BDKRB2: variants seen among roughly 807,000 people sequenced by gnomAD.
BDKRB2 encodes the protein B2 bradykinin receptor.
A neutral mutation model predicts 4.0 loss-of-function variants in BDKRB2; 6 were observed. The ratio of observed to expected loss-of-function variants is 1.49; its 90% CI spans 0.81 to 2.93. The LOEUF is 2.93. Ranked by LOEUF, BDKRB2 falls within the 30% of genes most tolerant of loss-of-function variation. The pLI is 0.00. For missense variants in BDKRB2, 478 were observed against 520.1 expected, an observed-to-expected ratio of 0.92 and a Z score of 0.79; for synonymous variants, 225 against 215.3, an observed-to-expected ratio of 1.05 and a Z score of -0.40.
At chr14:96,209,728 G>A (rs1047610912) in intron 1 of BDKRB2, among the ~76,000 whole-genome samples, 2 of 152,186 alleles carry the variant, frequency 1.3e-5, no homozygotes, top group Admixed American at 6.5e-5. Flanking sequence ...GGGCACGGTA[G>A]CTCACAACTG....
intron 1 of BDKRB2, among the ~76,000 whole-genome samples, chr14:96,234,582 T>C (rs2139793284): frequency 6.6e-6 from 1 of 152,336 alleles, no homozygotes; most frequent in Non-Finnish European, 1.5e-5. Context: ...AGGGCACGCC[T>C]CTAGAGCAGA....
intron 2 of BDKRB2, chr14:96,239,640 G>A (rs1566696379): frequency 1.0e-5 from 10 of 964,462 alleles, no homozygotes. Flanking sequence ...TTTGCACATT[G>A]TCTCTGATCC....
At chr14:96,233,214 T>A (rs1162699003) in intron 1 of BDKRB2, among the ~76,000 whole-genome samples, 1 of 152,130 alleles carries the variant, frequency 6.6e-6, no homozygotes, top group Non-Finnish European at 1.5e-5. Context: ...TTGGTACTTT[T>A]TGTAGACACA....
At position 96,241,653 on chromosome 14, in the gene BDKRB2, G is replaced by C; in HGVS notation, c.*149G>C. The C allele has an allele frequency of 7.4e-7, 1 of 1,342,682 alleles. No individual in the cohort carries two copies. Among genetic ancestry groups the C allele is most frequent in the Non-Finnish European group, 9.7e-7 (1 of 1,032,436 alleles). The allele number at this position is 1,342,682 out of a possible 1,614,324, so 83.2% of individuals were successfully genotyped here. A position where few individuals can be genotyped will look rare whatever the true frequency, so the allele number is the denominator to read the frequency against. ...GGTAAAACACCGGAGACTAATTCCT[G>C]CCCTGCCCAATTTTGCAGGGAGCAT... On this transcript the variant is annotated 3_prime_UTR_variant, in exon 3 of 3. Transcript: ENST00000554311.
rs200660157 is a variant in BDKRB2, at chr14:96,237,100, G to T, written c.-8G>T. The T allele has an allele frequency of 1.9e-6, 3 of 1,612,696 alleles. No individual in the cohort carries two copies. Among genetic ancestry groups the T allele is most frequent in the Non-Finnish European group, 2.5e-6 (3 of 1,178,684 alleles). On this transcript the variant is annotated 5_prime_UTR_variant, in exon 2 of 3. It removes the in-frame stop codon of an upstream open reading frame in the 5' UTR. Transcript: ENST00000554311. Reference sequence around the variant, plus strand: ...TGTGGCCTCACTCACATCCCACTCTGAGTCCAAATGTTCTCTCCCTGGAAG... The same window carrying T: ...TGTGGCCTCACTCACATCCCACTCTTAGTCCAAATGTTCTCTCCCTGGAAG...
At chr14:96,236,739 C>T (rs1023542756) in intron 1 of BDKRB2, among the ~76,000 whole-genome samples, 1 of 152,232 alleles carries the variant, frequency 6.6e-6, no homozygotes, top group Non-Finnish European at 1.5e-5. Context: ...TTTAGTTCTG[C>T]TCACCCTCAG....
intron 2 of BDKRB2, chr14:96,238,146 T>C: frequency 1.0e-6 from 1 of 954,392 alleles, no homozygotes; most frequent in South Asian, 4.7e-5. Context: ...TCTGGGGCCT[T>C]GGTTGGAAGA....
At chr14:96,217,280 G>C (rs1246679706) in intron 1 of BDKRB2, among the ~76,000 whole-genome samples, 1 of 152,260 alleles carries the variant, frequency 6.6e-6, no homozygotes, top group Non-Finnish European at 1.5e-5. Flanking sequence ...ACTGCAGTAT[G>C]TATTCAGAGG....
intron 1 of BDKRB2, among the ~76,000 whole-genome samples, chr14:96,206,274 C>T (rs751458705): frequency 3.3e-5 from 5 of 152,254 alleles, no homozygotes; most frequent in African/African-American, 4.8e-5. Context: ...AGGAAGCATG[C>T]GTGCTGTCCC....
chr14:96,231,711 G>A (rs1349647375), intron 1 of BDKRB2, among the ~76,000 whole-genome samples: 1 of 152,212 alleles, frequency 6.6e-6, no homozygotes, highest in Non-Finnish European at 1.5e-5. Flanking sequence ...TATTTACAGA[G>A]CGAATATTGT....
At chr14:96,227,949 C>A (rs1890737392) in intron 1 of BDKRB2, among the ~76,000 whole-genome samples, 1 of 152,250 alleles carries the variant, frequency 6.6e-6, no homozygotes, top group Non-Finnish European at 1.5e-5. Flanking sequence ...CAGCCCCCGA[C>A]TCCTGTGGCC....
chr14:96,218,589 G>A (rs1006711654), intron 1 of BDKRB2, among the ~76,000 whole-genome samples: 13 of 152,162 alleles, frequency 8.5e-5, no homozygotes, highest in Non-Finnish European at 1.5e-4. Context: ...GACTCGCTGA[G>A]GCTGGGTTTC....
At chr14:96,213,486 A>G (rs1020528118) in intron 1 of BDKRB2, among the ~76,000 whole-genome samples, 4 of 121,686 alleles carry the variant, frequency 3.3e-5, no homozygotes, top group Admixed American at 2.7e-4. Flanking sequence ...CTCTGTCTGG[A>G]CCGACCCAAA....
rs371946597 is a variant in BDKRB2 at position 96,237,215 on chromosome 14, G to A, written c.74+34G>A. On this transcript the variant is annotated intron_variant, in intron 2 of 2. Transcript: ENST00000554311. ...AAGGGATTCCTCAGTTCACTAGTTA[G>A]GGGAGGTGGGCAGACACCCTGGAGA... 113 of 1,579,566 alleles carry A rather than the reference G, an allele frequency of 7.2e-5. No individual in the cohort carries two copies. The African/African-American group carries it at 1.4e-3, about 20-fold the overall frequency.
chr14:96,218,959 T>C (rs1890490696), intron 1 of BDKRB2, among the ~76,000 whole-genome samples: 1 of 150,894 alleles, frequency 6.6e-6, no homozygotes, highest in African/African-American at 2.4e-5. Flanking sequence ...TAAAAACCCA[T>C]CTAGAGTGTT....
At chr14:96,218,965 G>C (rs1428693227) in intron 1 of BDKRB2, among the ~76,000 whole-genome samples, 2 of 151,682 alleles carry the variant, frequency 1.3e-5, no homozygotes, top group Admixed American at 1.3e-4. Flanking sequence ...CCCATCTAGA[G>C]TGTTGTGGGG....
rs199508762 is a variant in BDKRB2, at chr14:96,243,340, C to A, written c.*1836C>A. Reference sequence around the variant, plus strand: ...GGGCTAGAACCTAGAAGGGCTAGAACCTGGAGGGCTGGAATCTGGAGAGCT... The same window carrying A: ...GGGCTAGAACCTAGAAGGGCTAGAAACTGGAGGGCTGGAATCTGGAGAGCT... On this transcript the variant is annotated 3_prime_UTR_variant, in exon 3 of 3. Transcript: ENST00000554311. 14 of 145,018 alleles carry A rather than the reference C, an allele frequency of 9.7e-5. No homozygotes were observed. Among genetic ancestry groups the A allele is most frequent in the African/African-American group, 3.4e-4 (13 of 38,186 alleles). 9.0% of individuals were successfully genotyped at this position (145,018 alleles called of 1,614,324 possible). A position where few individuals can be genotyped will look rare whatever the true frequency, so the allele number is the denominator to read the frequency against.
intron 1 of BDKRB2, among the ~76,000 whole-genome samples, chr14:96,219,267 A>G (rs1246663153): frequency 2.0e-5 from 3 of 152,100 alleles, no homozygotes; most frequent in Non-Finnish European, 4.4e-5. Flanking sequence ...GCGCCATTGC[A>G]CTCCAGCCTA....
Position 96,242,773 on chromosome 14 carries a change from G to C in BDKRB2, c.*1269G>C, listed in dbSNP as rs1283950263. ...CCACCAGCCGGTACCTGGGAAGGGG[G>C]AGAGTGCAGGCCTGCTCAGGGACTG... is the stretch of plus-strand genomic sequence containing the variant. On this transcript the variant is annotated 3_prime_UTR_variant, in exon 3 of 3. Transcript: ENST00000554311. 1.3e-5 allele frequency: 2 copies of C among 152,412 alleles called. No homozygotes were observed. The highest frequency in any genetic ancestry group is 2.9e-5 in the Non-Finnish European group (2 of 68,180). 9.4% of individuals were successfully genotyped at this position (152,412 alleles called of 1,614,324 possible). A position where few individuals can be genotyped will look rare whatever the true frequency, so the allele number is the denominator to read the frequency against.
Sources: gnomAD v4.1 joint callset for allele counts (sites outside exome capture counted in the v4.1 genomes callset) on GRCh38, gnomAD v4.1.1 for gene constraint, MANE v1.5 for transcripts, NCBI Gene and HGNC (gene_info 2026-07-23, HGNC 2026-07-21) for gene names.